The following EPHB1 variants were observed in gnomAD, a reference collection of about 807,000 sequenced individuals.
EPHB1 encodes EPH receptor B1.
EPHB1 carries 30 observed loss-of-function variants against 94.4 expected under a neutral mutation model. The observed-to-expected ratio is 0.32, with a 90% CI of 0.24 to 0.43. The LOEUF (loss-of-function observed/expected upper bound fraction) is 0.43, where lower values mean the gene tolerates loss of function less well. Among genes scored for constraint, EPHB1 ranks in the 20% least tolerant of loss-of-function variants. The probability of loss-of-function intolerance (pLI) is 1.00; values close to 1 mark genes in which losing one functional copy is unlikely to be tolerated. For missense variants in EPHB1, 1,055 were observed against 1,308.3 expected, an observed-to-expected ratio of 0.81 and a Z score of 2.99; for synonymous variants, 522 against 489.1, an observed-to-expected ratio of 1.07 and a Z score of -0.89.
At chr3:135,198,167 T>C (rs1472317377) in intron 11 of EPHB1, among the ~76,000 whole-genome samples, 1 of 152,168 alleles carries the variant, frequency 6.6e-6, no homozygotes, top group Non-Finnish European at 1.5e-5. Context: ...ACAGCCTTTT[T>C]CTCCACACAG....
intron 5 of EPHB1, among the ~76,000 whole-genome samples, chr3:135,146,713 A>G (rs1278703591): frequency 2.0e-5 from 3 of 152,196 alleles, no homozygotes; most frequent in Non-Finnish European, 4.4e-5. Context: ...TATCTATCAC[A>G]TCCACCATGG....
chr3:134,803,746 TTG>T (rs2035978239), intron 1 of EPHB1, among the ~76,000 whole-genome samples: 2 of 152,218 alleles, frequency 1.3e-5, no homozygotes, highest in African/African-American at 4.8e-5. Flanking sequence ...AAACCAAAGT[TTG>T]CCAAACTCCC....
At chr3:135,203,599 T>A (rs1322977661) in intron 12 of EPHB1, among the ~76,000 whole-genome samples, 1 of 152,178 alleles carries the variant, frequency 6.6e-6, no homozygotes, top group Non-Finnish European at 1.5e-5. Context: ...ATAAATATCA[T>A]TCTTAGCTCA....
At chr3:135,037,860 T>G (rs924200495) in intron 3 of EPHB1, among the ~76,000 whole-genome samples, 6 of 152,218 alleles carry the variant, frequency 3.9e-5, no homozygotes, top group African/African-American at 1.4e-4. Flanking sequence ...CTCTGCCTCC[T>G]CAGACACTGA....
chr3:135,179,790 G>T, intron 9 of EPHB1, 70 bp from the exon 10 acceptor site: 1 of 1,584,534 alleles, frequency 6.3e-7, no homozygotes, highest in Non-Finnish European at 8.6e-7. Flanking sequence ...TAGTGCTGGG[G>T]ACATCAGCAG....
At position 135,139,356 on chromosome 3, in the gene EPHB1, GT is replaced by G. The variant is rs1486953966; in HGVS notation, c.1297+6310del. On this transcript the variant is annotated intron_variant, in intron 5 of 15. Coordinates refer to ENST00000398015, the MANE Select transcript of EPHB1 (RefSeq NM_004441.5). Reference sequence around the variant, plus strand: ...CAACCACTCTCAAAGGGATTGGTTTGTTTGGGCATTTTAACTTTGGAAATGT... The same window carrying G: ...CAACCACTCTCAAAGGGATTGGTTTGTTGGGCATTTTAACTTTGGAAATGT... Among the ~76,000 whole-genome samples the G allele has an allele frequency of 1.4e-4, 22 of 152,224 alleles. 1 individual carries two copies. The highest frequency in any genetic ancestry group is 1.4e-3 in the Admixed American group (21 of 15,288).
chr3:134,845,948 G>A (rs1003450049), intron 1 of EPHB1, among the ~76,000 whole-genome samples: 2 of 150,714 alleles, frequency 1.3e-5, no homozygotes, highest in Non-Finnish European at 2.9e-5. Context: ...ACACATGCTG[G>A]GAGGTGGAGG....
At position 135,106,506 on chromosome 3, in the gene EPHB1, C is replaced by T. The variant is rs1185291044; in HGVS notation, c.864C>T (p.Pro288=). The T allele has an allele frequency of 6.2e-7, 1 of 1,614,018 alleles. No homozygotes were observed. Among genetic ancestry groups the T allele is most frequent in the South Asian group, 1.1e-5 (1 of 91,074 alleles). Residue 288 remains proline (P), a synonymous_variant, in exon 4 of 16, where the codon CCC becomes CCT. Transcript: ENST00000398015. ...SQEAEGCSHC[P]SNSRSPAEAS... ...AAGCTGAAGGCTGCTCCCACTGCCC[C>T]TCCAACAGCCGCTCCCCTGCAGAGG...
At chr3:135,194,165 A>G (rs951243450) in intron 11 of EPHB1, among the ~76,000 whole-genome samples, 1 of 152,194 alleles carries the variant, frequency 6.6e-6, no homozygotes, top group African/African-American at 2.4e-5. Flanking sequence ...CAAGGGGAGA[A>G]AACAGGCCCC....
At chr3:135,048,248 C>CTTTTTTTTTTTTT (rs1937062532) in intron 3 of EPHB1, among the ~76,000 whole-genome samples, 1 of 88,510 alleles carries the variant, frequency 1.1e-5, no homozygotes, top group African/African-American at 4.6e-5. Context: ...CTTTTTCTTT[C>CTTTTTTTTTTTTT]TTTCTTTTTT....
At chr3:135,117,484 G>A (rs951808044) in intron 4 of EPHB1, among the ~76,000 whole-genome samples, 6 of 152,202 alleles carry the variant, frequency 3.9e-5, no homozygotes, top group African/African-American at 1.4e-4. Context: ...TCTGCAGTCT[G>A]AAGTCAACCT....
intron 1 of EPHB1, among the ~76,000 whole-genome samples, chr3:134,860,610 C>A (rs1227481551): frequency 6.6e-6 from 1 of 152,078 alleles, no homozygotes; most frequent in South Asian, 2.1e-4. Flanking sequence ...GTCAGGAGAT[C>A]AAGACCATCC....
chr3:135,133,841 G>A (rs553105074), intron 5 of EPHB1, among the ~76,000 whole-genome samples: 29 of 152,018 alleles, frequency 1.9e-4, no homozygotes, highest in Admixed American at 6.5e-4. Flanking sequence ...TCAATTTAAC[G>A]AGTCCGTTCA....
chr3:135,258,916 G>C, intron 15 of EPHB1, 96 bp from the exon 16 acceptor site: 1 of 1,076,116 alleles, frequency 9.3e-7, no homozygotes, highest in South Asian at 1.4e-5. Flanking sequence ...TTGTAGCATG[G>C]CTACTTCCCA....
intron 2 of EPHB1, among the ~76,000 whole-genome samples, chr3:134,932,502 G>C (rs1272583346): frequency 1.3e-5 from 2 of 152,114 alleles, no homozygotes; most frequent in East Asian, 3.9e-4. Context: ...AGCAGTTAAG[G>C]CCTCAGGTCC....
intron 12 of EPHB1, among the ~76,000 whole-genome samples, chr3:135,207,646 G>A (rs920461306): frequency 1.3e-5 from 2 of 152,194 alleles, no homozygotes; most frequent in African/African-American, 4.8e-5. Flanking sequence ...CAGAGGAAGA[G>A]ATGGTGCTAC....
At chr3:134,875,909 T>A (rs1190247671) in intron 1 of EPHB1, among the ~76,000 whole-genome samples, 1 of 152,138 alleles carries the variant, frequency 6.6e-6, no homozygotes, top group African/African-American at 2.4e-5. Flanking sequence ...TGAGCCAGCC[T>A]CCACTCAGCT....
At chr3:135,047,856 A>T (rs1937047689) in intron 3 of EPHB1, among the ~76,000 whole-genome samples, 1 of 151,664 alleles carries the variant, frequency 6.6e-6, no homozygotes, top group Admixed American at 6.6e-5. Context: ...CAAATGGTGG[A>T]GATGATGCTG....
chr3:135,111,358 G>C (rs961778747), intron 4 of EPHB1, among the ~76,000 whole-genome samples: 1 of 152,192 alleles, frequency 6.6e-6, no homozygotes, highest in Non-Finnish European at 1.5e-5. Flanking sequence ...AACTCTGAAG[G>C]CTGTGAAAGT....
Sources: allele counts gnomAD v4.1 joint callset (sites outside exome capture counted in the v4.1 genomes callset), GRCh38; gene constraint gnomAD v4.1.1; transcripts MANE v1.5; gene names NCBI Gene and HGNC (gene_info 2026-07-23, HGNC 2026-07-21).